Variants in RADIL observed in about 807,000 individuals in gnomAD.
RADIL encodes ras-associating and dilute domain-containing protein.
RADIL carries 99 observed loss-of-function variants against 97.6 expected under a neutral mutation model. The observed-to-expected ratio is 1.01, with a 90% CI of 0.86 to 1.20. The LOEUF (loss-of-function observed/expected upper bound fraction) is 1.20, where lower values mean the gene tolerates loss of function less well. Ranked by LOEUF, RADIL falls within the 50% of genes most tolerant of loss-of-function variation. The pLI is 0.00. For missense variants in RADIL, 1,765 were observed against 1,498.9 expected, an observed-to-expected ratio of 1.18 and a Z score of -2.93; for synonymous variants, 803 against 691.8, an observed-to-expected ratio of 1.16 and a Z score of -2.52.
chr7:4,877,507 C>G (rs1562461567), intron 2 of RADIL, 98 bp downstream of exon 2: 12 of 1,362,048 alleles, frequency 8.8e-6, no homozygotes, highest in Middle Eastern at 2.6e-4. Flanking sequence ...CGAGCCCGCC[C>G]CACGCATGTC....
chr7:4,833,660 G>A (rs1242721788), intron 4 of RADIL, among the ~76,000 whole-genome samples: 1 of 152,204 alleles, frequency 6.6e-6, no homozygotes, highest in Admixed American at 6.5e-5. Flanking sequence ...ACAGTCAAGT[G>A]GTTCCCCCTT....
rs560669661 is a variant in RADIL at position 4,813,927 on chromosome 7, G to T, written c.2139+1351C>A. ...TTGGTGGCTTCCTGTAAACTGGGTT[G>T]CTTCTCAGGAGTCAGATTGCTTTTT... On this transcript the variant is annotated intron_variant, in intron 9 of 14. Transcript: ENST00000399583. This position sits in a 1 kb window ranked among gnomAD's most constrained non-coding sequence, Gnocchi z 5.0. Among the ~76,000 whole-genome samples the T allele has an allele frequency of 6.6e-6, 1 of 152,294 alleles. No homozygotes were observed. Among genetic ancestry groups the T allele is most frequent in the South Asian group, 2.1e-4 (1 of 4,824 alleles).
chr7:4,881,763 C>T (rs1343583981), intron 1 of RADIL, among the ~76,000 whole-genome samples: 1 of 151,846 alleles, frequency 6.6e-6, no homozygotes, highest in Non-Finnish European at 1.5e-5. Flanking sequence ...TAAAAAGGCC[C>T]CCAAATACAA....
rs962260626 is a variant in RADIL at position 4,827,593 on chromosome 7, G to A, written c.1454+4548C>T. On this transcript the variant is annotated intron_variant, in intron 5 of 14. Transcript: ENST00000399583. ...GGAGAATGGCGTGAACCCAGGAGGC[G>A]GAGGTTGCAGTGAGCCGAGATCGTG... 1.9e-4 allele frequency among the ~76,000 whole-genome samples: 29 copies of A among 152,266 alleles called. No homozygotes were observed. The East Asian group carries it at 1.9e-3, about 10-fold the overall frequency.
At position 4,818,792 on chromosome 7, in the gene RADIL, C is replaced by G. The variant is rs1046907386; in HGVS notation, c.1616-1441G>C. On this transcript the variant is annotated intron_variant, in intron 6 of 14. Coordinates refer to ENST00000399583, the MANE Select transcript of RADIL (RefSeq NM_018059.5). This position sits in a 1 kb window ranked among gnomAD's most constrained non-coding sequence, Gnocchi z 7.1. The stretch of plus-strand genomic sequence containing the variant: ...CCCCACATCACTCCCTGGGCAGGGG[C>G]GGGGCACTGGTGGGAAGAGGGAAAC... Among the ~76,000 whole-genome samples, 1 of 152,108 alleles carries G rather than the reference C, an allele frequency of 6.6e-6. No individual in the cohort carries two copies. The highest frequency in any genetic ancestry group is 1.5e-5 in the Non-Finnish European group (1 of 68,006).
intron 2 of RADIL, among the ~76,000 whole-genome samples, chr7:4,874,399 T>C (rs1784322209): frequency 6.6e-6 from 1 of 152,188 alleles, no homozygotes; most frequent in Non-Finnish European, 1.5e-5. Context: ...TTCCCCCGGC[T>C]CCAGGCAGAG....
In RADIL at chr7:4,867,920, G is replaced by A. The variant is rs1784165744; in HGVS notation, c.535+9685C>T. ...GCCACACAAAGCAGAGAGAAGCTTG[G>A]CCCTTTCTCTGCACTTACTTGTTCC... On this transcript the variant is annotated intron_variant, in intron 2 of 14. Transcript: ENST00000399583. This position sits in a 1 kb window ranked among gnomAD's most constrained non-coding sequence, Gnocchi z 4.1. Among the ~76,000 whole-genome samples, 1 of 152,222 alleles carries A rather than the reference G, an allele frequency of 6.6e-6. No individual in the cohort carries two copies. Among genetic ancestry groups the A allele is most frequent in the Admixed American group, 6.5e-5 (1 of 15,286 alleles).
At position 4,822,352 on chromosome 7, in the gene RADIL, T is replaced by C; in HGVS notation, c.1615+42A>G. On this transcript the variant is annotated intron_variant, in intron 6 of 14. Transcript: ENST00000399583. This position sits in a 1 kb window ranked among gnomAD's most constrained non-coding sequence, Gnocchi z 5.3. ...CGAGGAGATGCCACACTCCCCTGCC[T>C]GGGGTGCTGGCGGGGGGAATGGAGG... 6.3e-7 allele frequency: 1 copy of C among 1,578,924 alleles called. No individual in the cohort carries two copies.
Position 4,832,181 on chromosome 7 carries a change from A to G in RADIL, c.1417-3T>C, listed in dbSNP as rs781235058. 24 of 1,611,272 alleles carry G rather than the reference A, an allele frequency of 1.5e-5. No homozygotes were observed. Among genetic ancestry groups the G allele is most frequent in the South Asian group, 2.2e-5 (2 of 90,540 alleles). ...TCTGCTAGTTCTTTGGTTTTCTCCT[A>G]CAATTACAAAGCGGGAGAAAAAGCA... On this transcript the variant is annotated splice_polypyrimidine_tract_variant and splice_region_variant and intron_variant, in intron 4 of 14. Coordinates refer to ENST00000399583, the MANE Select transcript of RADIL (RefSeq NM_018059.5).
rs1311240103 is a variant in RADIL, at chr7:4,878,760, G to A, written c.-64-557C>T. 6.6e-6 allele frequency among the ~76,000 whole-genome samples: 1 copy of A among 152,332 alleles called. No homozygotes were observed. The highest frequency in any genetic ancestry group is 2.4e-5 in the African/African-American group (1 of 41,580). ...AGGGCTTGGATTTCTGGAAAGTGCT[G>A]GGCGCAGCGCCCGTGTGCAGTGAGC... On this transcript the variant is annotated intron_variant, in intron 1 of 14. Coordinates refer to ENST00000399583, the MANE Select transcript of RADIL (RefSeq NM_018059.5). The surrounding 1 kb of genome is among the most constrained non-coding windows in gnomAD (Gnocchi z 4.1).
intron 5 of RADIL, among the ~76,000 whole-genome samples, chr7:4,829,726 C>T (rs1783088421): frequency 2.0e-5 from 3 of 152,036 alleles, no homozygotes; most frequent in Admixed American, 2.0e-4. Flanking sequence ...CTCATGAGAT[C>T]TGTTGGTTTT....
intron 10 of RADIL, chr7:4,805,352 T>C (rs531761912): frequency 4.0e-6 from 2 of 500,856 alleles, no homozygotes; most frequent in Admixed American, 3.6e-5. Context: ...GACTCTCGGC[T>C]CCTTGACTCC....
intron 2 of RADIL, chr7:4,859,982 A>T (rs1337156456): frequency 1.2e-6 from 2 of 1,613,922 alleles, no homozygotes; most frequent in Non-Finnish European, 1.7e-6. Context: ...TCTGGCGACC[A>T]TGGCCTTTGG....
At chr7:4,862,756 G>A (rs1256835858) in intron 2 of RADIL, among the ~76,000 whole-genome samples, 2 of 152,050 alleles carry the variant, frequency 1.3e-5, no homozygotes, top group East Asian at 3.9e-4. Flanking sequence ...AATTAGCCGG[G>A]CGTGGTGGTG....
chr7:4,871,783 C>T (rs1272775351), intron 2 of RADIL, among the ~76,000 whole-genome samples: 1 of 152,200 alleles, frequency 6.6e-6, no homozygotes, highest in South Asian at 2.1e-4. Flanking sequence ...AACCCTTCCA[C>T]AGGTATTTAA....
chr7:4,800,120 CG>C, intron 13 of RADIL, 50 bp downstream of exon 13: 2 of 1,566,638 alleles, frequency 1.3e-6, no homozygotes, highest in Non-Finnish European at 1.7e-6. Context: ...CATGAACAGG[CG>C]GGGCCAGGCA....
Position 4,816,337 on chromosome 7 carries a change from G to T in RADIL, c.1857C>A (p.Ala619=). 1 of 1,612,404 alleles carries T rather than the reference G, an allele frequency of 6.2e-7. No homozygotes were observed. Among genetic ancestry groups the T allele is most frequent in the Non-Finnish European group, 8.5e-7 (1 of 1,179,732 alleles). Residue 619 remains alanine (A), a synonymous_variant, in exon 8 of 15, where the codon GCC becomes GCA. Transcript: ENST00000399583. Reference sequence around the variant, plus strand: ...CCTGCAGCTGCCGCAGGAGGTCCAGGGCTGCCTGGTACACAGACACCACGC... The same window carrying T: ...CCTGCAGCTGCCGCAGGAGGTCCAGTGCTGCCTGGTACACAGACACCACGC... ...LRRVVSVYQA[A]LDLLRQLQVH...
rs758584138 is a variant in RADIL, at chr7:4,877,586, A to C, written c.535+19T>G. The C allele has an allele frequency of 2.0e-5, 32 of 1,572,684 alleles. No homozygotes were observed. Among genetic ancestry groups the C allele is most frequent in the Non-Finnish European group, 2.8e-5 (32 of 1,162,330 alleles). On this transcript the variant is annotated intron_variant, in intron 2 of 14. Coordinates refer to ENST00000399583, the MANE Select transcript of RADIL (RefSeq NM_018059.5). ...GCGCTCAGACCCACGGCTCTTCCTG[A>C]ACCTGTGGCCCCCCTCACCTGCCGT... is the stretch of plus-strand genomic sequence containing the variant.
Position 4,803,596 on chromosome 7 carries a change from C to T in RADIL, c.2449G>A (p.Gly817Ser), listed in dbSNP as rs763195339. 285 of 1,546,902 alleles carry T rather than the reference C, an allele frequency of 1.8e-4. 2 individuals carry two copies. The highest frequency in any genetic ancestry group is 1.5e-3 in the Middle Eastern group (7 of 4,802). ...CCACTGCCAGGCCTGCCAGGGCTGC[C>T]GGGGCTGGCTCTGCTCCGCAGACCC... ...LWGLRSRASP[G>S]SPGRPGSGAS... Residue 817 changes from glycine (G) to serine (S), a missense_variant, in exon 11 of 15, where the codon GGC (glycine) becomes AGC (serine). Transcript: ENST00000399583.
Sources: gnomAD v4.1 joint callset for allele counts (sites outside exome capture counted in the v4.1 genomes callset) on GRCh38, gnomAD v4.1.1 for gene constraint, Gnocchi (gnomAD v3.1) non-coding constraint, MANE v1.5 for transcripts, NCBI Gene and HGNC (gene_info 2026-07-23, HGNC 2026-07-21) for gene names.